The following AFAP1 variants were observed in gnomAD, a reference collection of about 807,000 sequenced individuals.
The protein encoded by AFAP1 is actin filament associated protein 1.
AFAP1 carries 75 observed loss-of-function variants against 93.9 expected under a neutral mutation model. The observed-to-expected ratio is 0.80, with a 90% CI of 0.66 to 0.97. The LOEUF (loss-of-function observed/expected upper bound fraction) is 0.97, where lower values mean the gene tolerates loss of function less well. Ranked by LOEUF, AFAP1 falls within the 50% of genes least tolerant of loss-of-function variation. The pLI is 0.00. For synonymous variants in AFAP1, 517 were observed against 430.7 expected, an observed-to-expected ratio of 1.20 and a Z score of -2.48; for missense variants, 1,201 against 1,050.8, an observed-to-expected ratio of 1.14 and a Z score of -1.98.
chr4:7,877,279 C>A (rs1177558717), intron 1 of AFAP1, among the ~76,000 whole-genome samples: 1 of 152,218 alleles, frequency 6.6e-6, no homozygotes, highest in Admixed American at 6.5e-5. Flanking sequence ...CATTTTCTCA[C>A]AACGGGTCCT....
intron 9 of AFAP1, among the ~76,000 whole-genome samples, chr4:7,808,104 T>C (rs937279031): frequency 2.0e-5 from 3 of 152,132 alleles, no homozygotes; most frequent in African/African-American, 7.2e-5. Flanking sequence ...ACTATTCAAA[T>C]AGAAGGAATG....
At chr4:7,834,376 G>A (rs962861573) in intron 6 of AFAP1, among the ~76,000 whole-genome samples, 25 of 152,320 alleles carry the variant, frequency 1.6e-4, no homozygotes, top group African/African-American at 5.5e-4. Flanking sequence ...TGGGAAGGAG[G>A]TAAGGGATAA....
chr4:7,766,004 G>T (rs530548597), intron 17 of AFAP1, among the ~76,000 whole-genome samples: 12 of 152,270 alleles, frequency 7.9e-5, no homozygotes, highest in Non-Finnish European at 1.3e-4. Context: ...TCATTAACTG[G>T]GTCATGAGTA....
chr4:7,879,418 C>G (rs373603687), intron 1 of AFAP1, among the ~76,000 whole-genome samples: 13 of 152,158 alleles, frequency 8.5e-5, no homozygotes, highest in Non-Finnish European at 1.6e-4. Context: ...TTCGACACCC[C>G]AGCCCCGACA....
At position 7,878,674 on chromosome 4, in the gene AFAP1, G is replaced by A. The variant is rs187353336; in HGVS notation, c.-2-6594C>T. ...AGTACTGACCATGTACCAGGCAATA[G>A]GCTAAGTGCTTTACAGACATCTTAA... On this transcript the variant is annotated intron_variant, in intron 1 of 17. Transcript: ENST00000420658. Among the ~76,000 whole-genome samples the A allele has an allele frequency of 1.2e-4, 18 of 152,326 alleles. 1 individual carries two copies. The highest frequency in any genetic ancestry group is 1.2e-3 in the Admixed American group (18 of 15,302).
chr4:7,817,973 T>G (rs1248674409), intron 7 of AFAP1, among the ~76,000 whole-genome samples: 2 of 152,154 alleles, frequency 1.3e-5, no homozygotes, highest in Non-Finnish European at 2.9e-5. Flanking sequence ...AGAGATTAGT[T>G]TTGTAGTCAA....
chr4:7,869,702 A>C (rs1560211656), intron 2 of AFAP1, among the ~76,000 whole-genome samples: 1 of 152,154 alleles, frequency 6.6e-6, no homozygotes, highest in Non-Finnish European at 1.5e-5. Context: ...AACAACGATC[A>C]CCTATAATGG....
At chr4:7,826,922 A>G (rs1047950983) in intron 6 of AFAP1, among the ~76,000 whole-genome samples, 6 of 152,224 alleles carry the variant, frequency 3.9e-5, no homozygotes, top group Non-Finnish European at 8.8e-5. Context: ...GCAGCCCAAG[A>G]GCTGGGCCCA....
intron 1 of AFAP1, among the ~76,000 whole-genome samples, chr4:7,876,346 G>A (rs1717504461): frequency 6.6e-6 from 1 of 152,224 alleles, no homozygotes; most frequent in Admixed American, 6.5e-5. Flanking sequence ...GCAAGGTCCT[G>A]CACACTGCCT....
intron 8 of AFAP1, among the ~76,000 whole-genome samples, chr4:7,810,988 C>T (rs576743903): frequency 1.9e-4 from 29 of 152,328 alleles, no homozygotes; most frequent in Admixed American, 1.4e-3. Context: ...TCAGAACGTG[C>T]GTGTGAGACA....
In AFAP1 at chr4:7,939,492, ACGCGGCGTCGCAGCAGGCGCGGAGCCCC is replaced by A. The variant is rs1414797633; in HGVS notation, c.-3+136_-3+163del. 82 of 309,906 alleles carry A rather than the reference ACGCGGCGTCGCAGCAGGCGCGGAGCCCC, an allele frequency of 2.6e-4. No homozygotes were observed. Among genetic ancestry groups the A allele is most frequent in the Non-Finnish European group, 4.3e-4 (70 of 162,208 alleles). The allele number at this position is 309,906 out of a possible 1,614,324, so 19.2% of individuals were successfully genotyped here. ...ACGACCGGGACCCCCGCGCGGGCCC[ACGCGGCGTCGCAGCAGGCGCGGAGCCCC>A]CGGTACCACCCGAGGCCGAGACAAA... On this transcript the variant is annotated intron_variant, in intron 1 of 17. Coordinates refer to ENST00000420658, the MANE Select transcript of AFAP1 (RefSeq NM_001134647.2). This position sits in a 1 kb window ranked among gnomAD's most constrained non-coding sequence, Gnocchi z 5.6.
chr4:7,764,930 A>AC (rs1368338921), intron 17 of AFAP1, among the ~76,000 whole-genome samples: 1 of 152,010 alleles, frequency 6.6e-6, no homozygotes, highest in Non-Finnish European at 1.5e-5. Flanking sequence ...ACTTAGGGAG[A>AC]CCCCAACTCT....
chr4:7,801,593 T>C (rs1225014022), intron 9 of AFAP1, among the ~76,000 whole-genome samples: 2 of 152,060 alleles, frequency 1.3e-5, no homozygotes, highest in African/African-American at 4.8e-5. Flanking sequence ...GCCCCCTTCC[T>C]TTAAGATTTA....
intron 8 of AFAP1, among the ~76,000 whole-genome samples, chr4:7,814,987 C>T (rs868710033): frequency 1.3e-5 from 2 of 152,184 alleles, no homozygotes; most frequent in Non-Finnish European, 2.9e-5. Context: ...CACACTAGCC[C>T]GAAGGTGGGA....
intron 4 of AFAP1, among the ~76,000 whole-genome samples, chr4:7,845,538 G>C (rs1283093067): frequency 1.3e-5 from 2 of 152,122 alleles, no homozygotes; most frequent in Admixed American, 6.6e-5. Context: ...TAAGAGACAG[G>C]AGCAGCTCAG....
chr4:7,819,409 C>A (rs1274097854), intron 6 of AFAP1, among the ~76,000 whole-genome samples: 4 of 152,222 alleles, frequency 2.6e-5, no homozygotes, highest in Non-Finnish European at 4.4e-5. Context: ...AACTACGTTT[C>A]CTGCTGGCAT....
chr4:7,902,590 TA>T (rs1323868250), intron 1 of AFAP1, among the ~76,000 whole-genome samples: 2 of 152,208 alleles, frequency 1.3e-5, no homozygotes, highest in Non-Finnish European at 2.9e-5. Context: ...CAGGGACATT[TA>T]AAGACATCAT....
intron 10 of AFAP1, 132 bp downstream of exon 10, chr4:7,800,310 G>C (rs1357187346): frequency 1.1e-6 from 1 of 899,658 alleles, no homozygotes; most frequent in Admixed American, 2.1e-5. Flanking sequence ...TGAGAGAAAA[G>C]AGGGTGGGCC....
chr4:7,874,384 G>A (rs368352780), intron 1 of AFAP1, among the ~76,000 whole-genome samples: 1,814 of 95,118 alleles, frequency 0.019, 28 homozygotes, highest in Admixed American at 0.04. Flanking sequence ...TTTTTTTTGA[G>A]ACAGAGTCTT....
Sources: allele counts gnomAD v4.1 joint callset (sites outside exome capture counted in the v4.1 genomes callset), GRCh38; gene constraint gnomAD v4.1.1; non-coding constraint Gnocchi (gnomAD v3.1); transcripts MANE v1.5; gene names NCBI Gene and HGNC (gene_info 2026-07-23, HGNC 2026-07-21).